The following RBFOX1 variants were observed in gnomAD, a reference collection of about 807,000 sequenced individuals.
RBFOX1 encodes the protein RNA binding fox-1 homolog 1.
RBFOX1 carries 8 observed loss-of-function variants against 57.7 expected under a neutral mutation model. The ratio of observed to expected loss-of-function variants is 0.14; its 90% CI spans 0.08 to 0.25. The LOEUF (loss-of-function observed/expected upper bound fraction) is 0.25, where lower values mean the gene tolerates loss of function less well. Ranked by LOEUF, RBFOX1 falls within the 10% of genes least tolerant of loss-of-function variation. The probability of loss-of-function intolerance (pLI) is 1.00; values close to 1 mark genes in which losing one functional copy is unlikely to be tolerated. For missense variants in RBFOX1, 611 were observed against 548.5 expected (o/e 1.11, Z -1.14); for synonymous variants, 326 against 222.4 (o/e 1.47, Z -4.15).
intron 4 of RBFOX1, among the ~76,000 whole-genome samples, chr16:7,215,001 C>T (rs1248462535): frequency 1.3e-5 from 2 of 152,168 alleles, no homozygotes; most frequent in Non-Finnish European, 2.9e-5. Flanking sequence ...AACCCATCAT[C>T]TAGGTTTTAA....
chr16:7,600,079 C>T (rs2094929818), intron 9 of RBFOX1, among the ~76,000 whole-genome samples: 1 of 152,142 alleles, frequency 6.6e-6, no homozygotes, highest in South Asian at 2.1e-4. Context: ...AAATGTGCAA[C>T]CTCGTGTTCC....
At chr16:6,646,291 G>A (rs2098534219) in intron 2 of RBFOX1, among the ~76,000 whole-genome samples, 1 of 152,108 alleles carries the variant, frequency 6.6e-6, no homozygotes, top group South Asian at 2.1e-4. Context: ...TTGTTCAGAA[G>A]CAAATGCAGT....
intron 2 of RBFOX1, among the ~76,000 whole-genome samples, chr16:5,589,993 C>A (rs991578297): frequency 6.6e-6 from 1 of 152,116 alleles, no homozygotes; most frequent in Non-Finnish European, 1.5e-5. Flanking sequence ...TTTTCTATTC[C>A]TGCCTCTTGA....
intron 3 of RBFOX1, among the ~76,000 whole-genome samples, chr16:6,736,528 A>G (rs2070358782): frequency 6.6e-6 from 1 of 152,182 alleles, no homozygotes; most frequent in Admixed American, 6.5e-5. Context: ...TCATATATAT[A>G]CATACCTCAA....
At chr16:6,934,432 T>G (rs144338888) in intron 3 of RBFOX1, among the ~76,000 whole-genome samples, 43 of 152,344 alleles carry the variant, frequency 2.8e-4, no homozygotes, top group African/African-American at 9.1e-4. Context: ...TTTACATGTT[T>G]ATTGCAGCAC....
At chr16:7,392,551 T>C (rs1037094137) in intron 4 of RBFOX1, among the ~76,000 whole-genome samples, 1 of 152,176 alleles carries the variant, frequency 6.6e-6, no homozygotes. Context: ...AAGGCAGGCA[T>C]GTTCATATTT....
At chr16:6,691,016 G>C (rs1225472952) in intron 3 of RBFOX1, among the ~76,000 whole-genome samples, 1 of 152,100 alleles carries the variant, frequency 6.6e-6, no homozygotes, top group African/African-American at 2.4e-5. Context: ...ACCAGCGCTT[G>C]CAGCTTCCAG....
intron 3 of RBFOX1, among the ~76,000 whole-genome samples, chr16:6,839,784 G>C (rs2093355871): frequency 6.6e-6 from 1 of 152,180 alleles, no homozygotes; most frequent in Non-Finnish European, 1.5e-5. Flanking sequence ...GTAGAAAGTG[G>C]ATTGTAGTCA....
intron 2 of RBFOX1, among the ~76,000 whole-genome samples, chr16:6,623,149 C>A (rs1212309965): frequency 2.6e-5 from 4 of 152,122 alleles, no homozygotes; most frequent in African/African-American, 7.2e-5. Context: ...TCTGCATACC[C>A]CATTCCAGAA....
intron 14 of RBFOX1, among the ~76,000 whole-genome samples, chr16:7,697,528 T>C (rs541268640): frequency 1.3e-5 from 2 of 152,272 alleles, no homozygotes; most frequent in Non-Finnish European, 2.9e-5. Context: ...TGCATGTATA[T>C]GTATAATGCA....
At chr16:6,957,146 T>TTATTTATTTATTTATC (rs1254532883) in intron 3 of RBFOX1, among the ~76,000 whole-genome samples, 1 of 151,284 alleles carries the variant, frequency 6.6e-6, no homozygotes, top group Non-Finnish European at 1.5e-5. Context: ...ATTTATTTAT[T>TTATTTATTTATTTATC]TTTGAGATGG....
intron 2 of RBFOX1, among the ~76,000 whole-genome samples, chr16:6,397,050 A>C (rs1331396062): frequency 6.6e-6 from 1 of 152,320 alleles, no homozygotes. Context: ...ACAGAAGACT[A>C]GTGATTTATG....
Position 5,783,416 on chromosome 16 carries a change from A to G in RBFOX1, c.319-83887A>G, listed in dbSNP as rs56373149. ...TTTCTTAAATTTATGTATGAGGGTT[A>G]TATGGTGTATATAGAGATTTTTTCT... On this transcript the variant is annotated intron_variant, in intron 3 of 19. Transcript: ENST00000641259. Among the ~76,000 whole-genome samples, 29 of 152,292 alleles carry G rather than the reference A, an allele frequency of 1.9e-4. No homozygotes were observed. The East Asian group carries it at 5.2e-3, about 27-fold the overall frequency.
intron 4 of RBFOX1, among the ~76,000 whole-genome samples, chr16:7,102,680 G>A (rs1210250991): frequency 6.6e-6 from 1 of 152,092 alleles, no homozygotes; most frequent in Non-Finnish European, 1.5e-5. Flanking sequence ...CGCTAATCTT[G>A]CACACCAGCA....
intron 2 of RBFOX1, among the ~76,000 whole-genome samples, chr16:6,641,211 C>T (rs1028350776): frequency 4.6e-5 from 7 of 152,250 alleles, no homozygotes; most frequent in Non-Finnish European, 8.8e-5. Flanking sequence ...TTACGCTTCA[C>T]CGAGGTTCAA....
intron 3 of RBFOX1, among the ~76,000 whole-genome samples, chr16:6,727,066 G>C (rs12448866): frequency 0.91 from 134,841 of 147,930 alleles, 62,864 homozygotes; most frequent in East Asian, 1. Flanking sequence ...CACACACACA[G>C]ACACAGAGAG....
chr16:5,882,842 A>T (rs2057796891), intron 4 of RBFOX1, among the ~76,000 whole-genome samples: 1 of 152,236 alleles, frequency 6.6e-6, no homozygotes. Context: ...TATTTTTATA[A>T]GCCATGGAGA....
intron 4 of RBFOX1, among the ~76,000 whole-genome samples, chr16:5,998,838 A>T (rs1457463188): frequency 6.6e-6 from 1 of 152,210 alleles, no homozygotes; most frequent in Non-Finnish European, 1.5e-5. Context: ...TTCACGTGTC[A>T]TATTGCAGTC....
intron 5 of RBFOX1, among the ~76,000 whole-genome samples, chr16:7,526,032 A>C (rs1203866363): frequency 2.0e-5 from 3 of 151,658 alleles, no homozygotes; most frequent in African/African-American, 7.3e-5. Context: ...GTGGTGGATG[A>C]GTGAGCATTA....
Sources: allele counts gnomAD v4.1 joint callset (sites outside exome capture counted in the v4.1 genomes callset), GRCh38; gene constraint gnomAD v4.1.1; transcripts MANE v1.5; gene names NCBI Gene and HGNC (gene_info 2026-07-23, HGNC 2026-07-21).